The following SHISAL2B variants were observed in gnomAD, a reference collection of about 807,000 sequenced individuals.
The protein encoded by SHISAL2B is shisa like 2B, also known as protein shisa-like-2B.
In SHISAL2B, 12 loss-of-function variants were observed where a neutral mutation model predicts 16.5. The ratio of observed to expected loss-of-function variants is 0.73; its 90% confidence interval spans 0.47 to 1.18. The LOEUF is 1.18. SHISAL2B is among the 50% of genes most tolerant of loss of function. The pLI is 0.00. For missense variants in SHISAL2B, 183 were observed against 193.6 expected, an observed-to-expected ratio of 0.95 and a Z score of 0.33; for synonymous variants, 72 against 75.0, an observed-to-expected ratio of 0.96 and a Z score of 0.21.
intron 2 of SHISAL2B, among the ~76,000 whole-genome samples, chr5:64,698,462 A>G (rs1474702065): frequency 6.6e-6 from 1 of 152,106 alleles, no homozygotes; most frequent in African/African-American, 2.4e-5. Context: ...CTGTTCCTTG[A>G]ACTTCCTGAC....
In SHISAL2B at chr5:64,696,226, A is replaced by G. The variant is rs547468200; in HGVS notation, c.349+562A>G. Among the ~76,000 whole-genome samples the G allele has an allele frequency of 5.3e-5, 8 of 152,342 alleles. No individual in the cohort carries two copies. In the South Asian group the frequency reaches 1.2e-3, roughly 24 times the overall value. ...AAGTTCCCCAAATTAATACTTTTATAATTTCTTATGCCTGTCTTTACCATA... is the reference window on the plus strand; with the variant it reads ...AAGTTCCCCAAATTAATACTTTTATGATTTCTTATGCCTGTCTTTACCATA... On this transcript the variant is annotated intron_variant, in intron 2 of 2. Transcript: ENST00000389074.
intron 2 of SHISAL2B, among the ~76,000 whole-genome samples, chr5:64,716,804 T>C (rs1475727348): frequency 6.6e-6 from 1 of 152,296 alleles, no homozygotes; most frequent in Non-Finnish European, 1.5e-5. Context: ...ATGGTGTGTG[T>C]ATGAAATCAT....
At chr5:64,713,832 T>C (rs9647520) in intron 2 of SHISAL2B, among the ~76,000 whole-genome samples, 36 of 113,096 alleles carry the variant, frequency 3.2e-4, no homozygotes, top group African/African-American at 1.5e-3. Context: ...TTGATCGCAT[T>C]GGCTCCTGAG....
intron 1 of SHISAL2B, chr5:64,694,074 C>T: frequency 2.2e-6 from 1 of 455,686 alleles, no homozygotes; most frequent in Non-Finnish European, 4.4e-6. Flanking sequence ...CCCTTCCCTC[C>T]CTTTTGGTAC....
At chr5:64,703,793 C>T (rs1396131344) in intron 2 of SHISAL2B, among the ~76,000 whole-genome samples, 1 of 152,080 alleles carries the variant, frequency 6.6e-6, no homozygotes, top group African/African-American at 2.4e-5. Context: ...AGCAAAAGGG[C>T]AAGTCCAAGA....
intron 1 of SHISAL2B, among the ~76,000 whole-genome samples, chr5:64,694,810 C>G (rs752578286): frequency 1.3e-5 from 2 of 152,120 alleles, no homozygotes; most frequent in Non-Finnish European, 2.9e-5. Flanking sequence ...TTTGCAGAAA[C>G]AAATATTTTT....
At position 64,695,529 on chromosome 5, in the gene SHISAL2B, G is replaced by A. The variant is rs1423338686; in HGVS notation, c.214G>A (p.Gly72Arg). Residue 72 changes from glycine to arginine, a missense_variant, in exon 2 of 3, where the codon GGA (glycine) becomes AGA (arginine). Transcript: ENST00000389074. The part of the protein sequence containing the change: ...SLSIGALIGL[G>R]IAALVLLAFV... ...CAGCATTGGTGCCTTGATTGGACTAGGAATTGCTGCCCTTGTTTTACTCGC... is the reference window on the plus strand; with the variant it reads ...CAGCATTGGTGCCTTGATTGGACTAAGAATTGCTGCCCTTGTTTTACTCGC... 1 of 1,534,956 alleles carries A rather than the reference G, an allele frequency of 6.5e-7. No individual in the cohort carries two copies. The highest frequency in any genetic ancestry group is 1.4e-5 in the African/African-American group (1 of 72,938).
intron 1 of SHISAL2B, chr5:64,691,102 G>A (rs1741643930): frequency 5.7e-6 from 2 of 351,138 alleles, no homozygotes; most frequent in Non-Finnish European, 1.0e-5. Context: ...TGGCCCCGCT[G>A]AGTTCCCCGC....
At chr5:64,703,988 A>G (rs1741844451) in intron 2 of SHISAL2B, among the ~76,000 whole-genome samples, 1 of 152,238 alleles carries the variant, frequency 6.6e-6, no homozygotes, top group African/African-American at 2.4e-5. Flanking sequence ...TACAAATAAA[A>G]AAAACACTTT....
chr5:64,695,124 G>A (rs1741713836), intron 1 of SHISAL2B, among the ~76,000 whole-genome samples: 1 of 152,098 alleles, frequency 6.6e-6, no homozygotes, highest in African/African-American at 2.4e-5. Context: ...AATTAACTGG[G>A]CATGATGGCG....
chr5:64,710,696 AT>A (rs1741946023), intron 2 of SHISAL2B, among the ~76,000 whole-genome samples: 1 of 125,228 alleles, frequency 8.0e-6, no homozygotes, highest in African/African-American at 3.6e-5. Flanking sequence ...ATTTGTTTGT[AT>A]CCTCTTTTAT....
chr5:64,695,726 C>A, intron 2 of SHISAL2B, 62 bp downstream of exon 2: 3 of 1,243,028 alleles, frequency 2.4e-6, no homozygotes, highest in Non-Finnish European at 1.1e-6. Context: ...ATAACTTGTA[C>A]CTGGGTGATA....
chr5:64,712,236 G>C lies in SHISAL2B; in HGVS notation c.350-5653G>C, dbSNP rs1477475101. On this transcript the variant is annotated intron_variant, in intron 2 of 2. Transcript: ENST00000389074. ...TGTGTCCCAGAGATTCTGGTATGTT[G>C]TGTCTTTGTTCTTGTTGGTTTCAAA... Among the ~76,000 whole-genome samples, 365 of 150,494 alleles carry C rather than the reference G, an allele frequency of 2.4e-3. 2 individuals carry two copies. The highest frequency in any genetic ancestry group is 8.6e-3 in the African/African-American group (356 of 41,232).
chr5:64,696,011 A>G (rs1486055174), intron 2 of SHISAL2B, among the ~76,000 whole-genome samples: 1 of 152,240 alleles, frequency 6.6e-6, no homozygotes, highest in Non-Finnish European at 1.5e-5. Context: ...AAATTGTTGC[A>G]GGAAGTCAGG....
Position 64,695,090 on chromosome 5 carries a change from C to T in SHISAL2B, c.192-417C>T, listed in dbSNP as rs551374980. Among the ~76,000 whole-genome samples the T allele has an allele frequency of 2.4e-4, 37 of 152,142 alleles. No homozygotes were observed. In the South Asian group the frequency reaches 7.7e-3, roughly 32 times the overall value. ...GACCATCCTGGGCAACATGGTGAAA[C>T]CCCGTTTCTACTAAAATACAAAAAA... On this transcript the variant is annotated intron_variant, in intron 1 of 2. Coordinates refer to ENST00000389074, the MANE Select transcript of SHISAL2B (RefSeq NM_001164442.2).
At chr5:64,694,204 A>G in intron 1 of SHISAL2B, 3 of 401,672 alleles carry the variant, frequency 7.5e-6, no homozygotes, top group East Asian at 7.5e-5. Context: ...ATACAGGTAG[A>G]TCAATTGGCA....
At chr5:64,692,034 A>G (rs1272170143) in intron 1 of SHISAL2B, among the ~76,000 whole-genome samples, 1 of 152,234 alleles carries the variant, frequency 6.6e-6, no homozygotes, top group Non-Finnish European at 1.5e-5. Context: ...CCTACCTTCC[A>G]GTAAGTTTAA....
At chr5:64,695,303 C>G (rs1186022784) in intron 1 of SHISAL2B, among the ~76,000 whole-genome samples, 1 of 151,512 alleles carries the variant, frequency 6.6e-6, no homozygotes, top group Non-Finnish European at 1.5e-5. Context: ...TTAAAAGGGC[C>G]TCGAAAATCC....
chr5:64,703,230 G>T (rs1280324354), intron 2 of SHISAL2B, among the ~76,000 whole-genome samples: 1 of 152,066 alleles, frequency 6.6e-6, no homozygotes, highest in Non-Finnish European at 1.5e-5. Flanking sequence ...TATGAATTAG[G>T]CTGCCAAATT....
Sources: allele counts gnomAD v4.1 joint callset (sites outside exome capture counted in the v4.1 genomes callset), GRCh38; gene constraint gnomAD v4.1.1; transcripts MANE v1.5; gene names NCBI Gene and HGNC (gene_info 2026-07-23, HGNC 2026-07-21).